Variants in ERBB4 observed in about 807,000 individuals in gnomAD.
ERBB4 encodes receptor tyrosine-protein kinase erbB-4.
Under a neutral mutation model 158.0 loss-of-function variants are expected in ERBB4, and 42 were observed. The ratio of observed to expected loss-of-function variants is 0.27; its 90% CI spans 0.21 to 0.34. The LOEUF (loss-of-function observed/expected upper bound fraction) is 0.34. ERBB4 is among the 10% of genes least tolerant of loss of function. The probability of loss-of-function intolerance (pLI) is 1.00; values close to 1 mark genes in which losing one functional copy is unlikely to be tolerated. For missense variants in ERBB4, 1,333 were observed against 1,624.1 expected, an observed-to-expected ratio of 0.82 and a Z score of 3.08; for synonymous variants, 583 against 558.7, an observed-to-expected ratio of 1.04 and a Z score of -0.61.
intron 17 of ERBB4, among the ~76,000 whole-genome samples, chr2:211,624,684 G>T (rs1211288149): frequency 1.3e-5 from 2 of 152,168 alleles, no homozygotes; most frequent in African/African-American, 4.8e-5. Context: ...GCTATGAAAT[G>T]CAAGGCATCA....
intron 18 of ERBB4, among the ~76,000 whole-genome samples, chr2:211,620,929 C>T (rs955640519): frequency 1.5e-5 from 2 of 137,204 alleles, no homozygotes; most frequent in East Asian, 2.1e-4. Flanking sequence ...AACATAGAGA[C>T]ATTCCAACTC....
At chr2:211,581,248 T>C (rs1237653031) in intron 19 of ERBB4, among the ~76,000 whole-genome samples, 2 of 151,766 alleles carry the variant, frequency 1.3e-5, no homozygotes, top group African/African-American at 4.8e-5. Context: ...ACATCACCTG[T>C]TCCCCCAATA....
intron 1 of ERBB4, among the ~76,000 whole-genome samples, chr2:212,474,639 G>A (rs866405880): frequency 8.6e-5 from 13 of 151,938 alleles, no homozygotes; most frequent in African/African-American, 9.7e-5. Flanking sequence ...CCTCCTCTCC[G>A]TCTTTTTGAC....
intron 3 of ERBB4, among the ~76,000 whole-genome samples, chr2:211,912,409 G>A (rs529814873): frequency 2.2e-4 from 33 of 151,294 alleles, no homozygotes; most frequent in African/African-American, 8.1e-4. Flanking sequence ...AGCATTTAAC[G>A]TGAAGGATAG....
At chr2:212,502,417 A>T (rs1209967246) in intron 1 of ERBB4, among the ~76,000 whole-genome samples, 1 of 152,150 alleles carries the variant, frequency 6.6e-6, no homozygotes, top group Non-Finnish European at 1.5e-5. Flanking sequence ...GGTAGGTATT[A>T]TTTTCCTGTT....
At chr2:212,280,202 C>T (rs2085701341) in intron 1 of ERBB4, among the ~76,000 whole-genome samples, 1 of 151,598 alleles carries the variant, frequency 6.6e-6, no homozygotes. Context: ...CACCCAGTTG[C>T]TCTCAAAAAT....
intron 3 of ERBB4, among the ~76,000 whole-genome samples, chr2:211,822,892 G>A (rs956820379): frequency 6.6e-4 from 101 of 152,092 alleles, no homozygotes; most frequent in African/African-American, 2.3e-3. Flanking sequence ...TTGGCCAGGG[G>A]AGTGGCAGAA....
rs568543883 is a variant in ERBB4 at position 212,538,564 on chromosome 2, A to G, written c.-34T>C. 7 of 1,593,064 alleles carry G rather than the reference A, an allele frequency of 4.4e-6. No homozygotes were observed. Among genetic ancestry groups the G allele is most frequent in the Non-Finnish European group, 6.0e-6 (7 of 1,160,774 alleles). On this transcript the variant is annotated 5_prime_UTR_variant, in exon 1 of 28. The change abolishes the stop of an existing upstream ORF in the 5' untranslated region. Coordinates refer to ENST00000342788, the MANE Select transcript of ERBB4 (RefSeq NM_005235.3). ...AGTCTCAGATCCCGTGCTGACAATTACATGTCCAAATGGCATATCCCCCTT... is the reference window on the plus strand; with the variant it reads ...AGTCTCAGATCCCGTGCTGACAATTGCATGTCCAAATGGCATATCCCCCTT...
intron 1 of ERBB4, 133 bp downstream of exon 1, chr2:212,538,316 A>G: frequency 1.3e-6 from 1 of 788,216 alleles, no homozygotes; most frequent in East Asian, 2.5e-5. Context: ...GGTGACCGAA[A>G]GCCCAGGGAA....
At chr2:212,018,609 G>T (rs1415772216) in intron 2 of ERBB4, among the ~76,000 whole-genome samples, 1 of 152,098 alleles carries the variant, frequency 6.6e-6, no homozygotes, top group Non-Finnish European at 1.5e-5. Context: ...TAAATACTAG[G>T]TATAGAGAAA....
At chr2:212,131,811 G>T (rs988750565) in intron 1 of ERBB4, among the ~76,000 whole-genome samples, 9 of 152,160 alleles carry the variant, frequency 5.9e-5, no homozygotes, top group African/African-American at 2.2e-4. Context: ...AGTGCATTTT[G>T]CAATGAATGT....
At chr2:212,414,692 C>A (rs1172039995) in intron 1 of ERBB4, among the ~76,000 whole-genome samples, 1 of 152,146 alleles carries the variant, frequency 6.6e-6, no homozygotes, top group African/African-American at 2.4e-5. Flanking sequence ...TAAATGAGTA[C>A]AGACTTTCTT....
chr2:212,061,059 G>C (rs1345130416), intron 2 of ERBB4, among the ~76,000 whole-genome samples: 1 of 151,880 alleles, frequency 6.6e-6, no homozygotes, highest in Non-Finnish European at 1.5e-5. Flanking sequence ...AAAAGTAATT[G>C]TAGAATTGCT....
intron 4 of ERBB4, chr2:211,779,196 T>C (rs1391729303): frequency 6.6e-6 from 1 of 152,334 alleles, no homozygotes; most frequent in African/African-American, 2.4e-5. Context: ...GGTCTTTAGC[T>C]GATTAGCTAC....
chr2:211,924,948 T>C (rs1312727226), intron 3 of ERBB4, among the ~76,000 whole-genome samples: 1 of 138,018 alleles, frequency 7.2e-6, no homozygotes, highest in Non-Finnish European at 1.7e-5. Flanking sequence ...AGGAAATACT[T>C]TTTTTCCCCT....
chr2:211,604,677 G>T (rs1436119625), intron 19 of ERBB4, among the ~76,000 whole-genome samples: 1 of 152,196 alleles, frequency 6.6e-6, no homozygotes, highest in African/African-American at 2.4e-5. Context: ...TTTTTCAACA[G>T]ATTGTTTGGT....
chr2:212,185,921 A>T (rs1462205713), intron 1 of ERBB4, among the ~76,000 whole-genome samples: 1 of 152,152 alleles, frequency 6.6e-6, no homozygotes, highest in East Asian at 1.9e-4. Flanking sequence ...ATACATAAAA[A>T]TTTCTTAGGC....
At chr2:212,501,550 AAAAG>A (rs1690889865) in intron 1 of ERBB4, among the ~76,000 whole-genome samples, 1 of 152,208 alleles carries the variant, frequency 6.6e-6, no homozygotes, top group African/African-American at 2.4e-5. Context: ...CCAGCCACAG[AAAAG>A]AAATTTTCAG....
intron 1 of ERBB4, among the ~76,000 whole-genome samples, chr2:212,431,450 C>A (rs1273113971): frequency 1.3e-5 from 2 of 152,056 alleles, no homozygotes; most frequent in Non-Finnish European, 2.9e-5. Context: ...CTCACCACCC[C>A]CACTGCTTCT....
Sources: allele counts gnomAD v4.1 joint callset (sites outside exome capture counted in the v4.1 genomes callset), GRCh38; gene constraint gnomAD v4.1.1; transcripts MANE v1.5; gene names NCBI Gene and HGNC (gene_info 2026-07-23, HGNC 2026-07-21).